RAMP1: variants seen among roughly 807,000 people sequenced by gnomAD.
RAMP1 encodes receptor activity-modifying protein 1.
Under a neutral mutation model 8.2 loss-of-function variants are expected in RAMP1, and 7 were observed. The observed-to-expected ratio is 0.85, with a 90% CI of 0.49 to 1.60. RAMP1 has a LOEUF of 1.60. Among genes scored for constraint, RAMP1 ranks in the 40% most tolerant of loss-of-function variants. RAMP1 has a pLI of 0.00. For synonymous variants in RAMP1, 92 were observed against 84.7 expected (o/e 1.09, Z -0.47); for missense variants, 192 against 202.4 (o/e 0.95, Z 0.31).
chr2:237,866,489 A>C (rs1273157595), intron 1 of RAMP1, among the ~76,000 whole-genome samples: 3 of 152,036 alleles, frequency 2.0e-5, no homozygotes, highest in African/African-American at 7.3e-5. Context: ...AGAGTGACTC[A>C]CTGCTGAGTA....
intron 1 of RAMP1, among the ~76,000 whole-genome samples, chr2:237,863,889 C>T (rs1359414584): frequency 1.3e-5 from 2 of 151,972 alleles, no homozygotes; most frequent in African/African-American, 2.4e-5. Flanking sequence ...CCCGGCTGTC[C>T]ACTGTGCCCT....
chr2:237,859,629 C>T lies in RAMP1; in HGVS notation c.-47C>T, dbSNP rs1159191907. 2 of 1,394,414 alleles carry T rather than the reference C, an allele frequency of 1.4e-6. No individual in the cohort carries two copies. Among genetic ancestry groups the T allele is most frequent in the Non-Finnish European group, 1.9e-6 (2 of 1,068,922 alleles). 86.4% of individuals were successfully genotyped at this position (1,394,414 alleles called of 1,614,324 possible). A position where few individuals can be genotyped will look rare whatever the true frequency, so the allele number is the denominator to read the frequency against. On this transcript the variant is annotated 5_prime_UTR_variant, in exon 1 of 3. Coordinates refer to ENST00000254661, the MANE Select transcript of RAMP1 (RefSeq NM_005855.4). ...CCCGCGCCGCGGCGGGCTCAGTCCT[C>T]AGCGGGGCGCGTGGCGAGCGGACTC...
chr2:237,886,707 G>A (rs927658363), intron 2 of RAMP1, among the ~76,000 whole-genome samples: 7 of 152,220 alleles, frequency 4.6e-5, no homozygotes, highest in African/African-American at 9.6e-5. Flanking sequence ...GTGACTTAGC[G>A]CGGAGCGTGG....
In RAMP1 at chr2:237,868,989, C is replaced by T. The variant is rs60503290; in HGVS notation, c.53-8235C>T. ...CAAATTTTTCGTGTTGTAAATGGCC[C>T]GTAAGCCCGTGGGAGGAGTGTGGCG... On this transcript the variant is annotated intron_variant, in intron 1 of 2. Coordinates refer to ENST00000254661, the MANE Select transcript of RAMP1 (RefSeq NM_005855.4). 2.0e-3 allele frequency among the ~76,000 whole-genome samples: 305 copies of T among 152,288 alleles called. 2 individuals carry two copies. The highest frequency in any genetic ancestry group is 7.2e-3 in the African/African-American group (299 of 41,560).
Position 237,878,023 on chromosome 2 carries a change from TC to T in RAMP1, c.191+662del. ...GGCTCCTCTGCCTCCAGAGCGGCGATCAGAACTCGGCATGTCCGCAATCGAC... is the reference window on the plus strand; with the variant it reads ...GGCTCCTCTGCCTCCAGAGCGGCGATAGAACTCGGCATGTCCGCAATCGAC... On this transcript the variant is annotated intron_variant, in intron 2 of 2. Coordinates refer to ENST00000254661, the MANE Select transcript of RAMP1 (RefSeq NM_005855.4). The surrounding 1 kb of genome is among the most constrained non-coding windows in gnomAD (Gnocchi z 5.7). 1.0e-6 allele frequency: 1 copy of T among 985,432 alleles called. No homozygotes were observed. The allele number at this position is 985,432 out of a possible 1,614,324, so 61.0% of individuals were successfully genotyped here. A position where few individuals can be genotyped will look rare whatever the true frequency, so the allele number is the denominator to read the frequency against.
At chr2:237,906,547 C>A (rs1031886440) in intron 2 of RAMP1, among the ~76,000 whole-genome samples, 4 of 151,860 alleles carry the variant, frequency 2.6e-5, no homozygotes, top group Non-Finnish European at 5.9e-5. Flanking sequence ...AGGAAAAGTA[C>A]CCTTCTATTG....
At position 237,865,273 on chromosome 2, in the gene RAMP1, G is replaced by A. The variant is rs2062175792; in HGVS notation, c.52+5546G>A. Among the ~76,000 whole-genome samples the A allele has an allele frequency of 7.0e-6, 1 of 142,060 alleles. No individual in the cohort carries two copies. Among genetic ancestry groups the A allele is most frequent in the South Asian group, 2.4e-4 (1 of 4,200 alleles). The allele number at this position is 142,060 out of a possible 152,430, so 93.2% of individuals were successfully genotyped here. On this transcript the variant is annotated intron_variant, in intron 1 of 2. Transcript: ENST00000254661. This position sits in a 1 kb window ranked among gnomAD's most constrained non-coding sequence, Gnocchi z 4.2. ...CAGGGCAGGGGAGAAGAGAGGAGAGGAGGGGAGGGGAGAGCAGGGGAGAGG... is the reference window on the plus strand; with the variant it reads ...CAGGGCAGGGGAGAAGAGAGGAGAGAAGGGGAGGGGAGAGCAGGGGAGAGG...
At chr2:237,886,019 G>A (rs1215819022) in intron 2 of RAMP1, among the ~76,000 whole-genome samples, 1 of 152,216 alleles carries the variant, frequency 6.6e-6, no homozygotes, top group Non-Finnish European at 1.5e-5. Flanking sequence ...GAGAGAAGGA[G>A]GTGGCTGTGC....
intron 2 of RAMP1, among the ~76,000 whole-genome samples, chr2:237,883,912 CTTTTTTTTTTTT>C (rs34291315): frequency 3.2e-5 from 3 of 93,008 alleles, no homozygotes; most frequent in Non-Finnish European, 5.8e-5. Context: ...TGTAGGTCCA[CTTTTTTTTTTTT>C]TTTTTTTTTT....
intron 2 of RAMP1, among the ~76,000 whole-genome samples, chr2:237,903,954 C>T (rs1318183422): frequency 2.0e-5 from 3 of 152,194 alleles, no homozygotes; most frequent in Non-Finnish European, 2.9e-5. Flanking sequence ...TCCCAGGCTG[C>T]TCTCAAACTC....
chr2:237,879,149 A>G (rs1392933090), intron 2 of RAMP1, among the ~76,000 whole-genome samples: 1 of 152,226 alleles, frequency 6.6e-6, no homozygotes, highest in African/African-American at 2.4e-5. Flanking sequence ...ATTTAAATTA[A>G]GATTGCATTT....
rs903422087 is a variant in RAMP1 at position 237,891,232 on chromosome 2, G to A, written c.191+13870G>A. Among the ~76,000 whole-genome samples the A allele has an allele frequency of 1.0e-4, 15 of 150,410 alleles. 1 individual carries two copies. Among genetic ancestry groups the A allele is most frequent in the African/African-American group, 3.4e-4 (14 of 40,790 alleles). On this transcript the variant is annotated intron_variant, in intron 2 of 2. Transcript: ENST00000254661. ...GTGGCATGGTCTCGGCTCACTGCAA[G>A]CTCCGCCTCCCGGGTTCACGCCATT... is the stretch of plus-strand genomic sequence containing the variant.
At chr2:237,879,729 C>T (rs1310105425) in intron 2 of RAMP1, among the ~76,000 whole-genome samples, 3 of 148,092 alleles carry the variant, frequency 2.0e-5, no homozygotes, top group Non-Finnish European at 4.5e-5. Flanking sequence ...GTGGCTCACA[C>T]CTGTGATCCC....
chr2:237,872,343 C>T (rs1481640053), intron 1 of RAMP1, among the ~76,000 whole-genome samples: 2 of 152,244 alleles, frequency 1.3e-5, no homozygotes, highest in Non-Finnish European at 2.9e-5. Flanking sequence ...ATCCACTCTC[C>T]CAGGGCCCCT....
In RAMP1 at chr2:237,861,724, A is replaced by G. The variant is rs563843567; in HGVS notation, c.52+1997A>G. On this transcript the variant is annotated intron_variant, in intron 1 of 2. Transcript: ENST00000254661. Reference sequence around the variant, plus strand: ...AAATTAGGCAGGCATGGTGGCAGGCACCTATAATCCCGGCTACTTGGGAGG... The same window carrying G: ...AAATTAGGCAGGCATGGTGGCAGGCGCCTATAATCCCGGCTACTTGGGAGG... Among the ~76,000 whole-genome samples, 24 of 152,044 alleles carry G rather than the reference A, an allele frequency of 1.6e-4. No homozygotes were observed. The South Asian group carries it at 5.0e-3, about 32-fold the overall frequency.
chr2:237,881,775 T>C (rs1196255990), intron 2 of RAMP1, among the ~76,000 whole-genome samples: 1 of 152,264 alleles, frequency 6.6e-6, no homozygotes, highest in African/African-American at 2.4e-5. Flanking sequence ...GTTCTTTGTA[T>C]GTTAGATGGG....
Position 237,877,488 on chromosome 2 carries a change from G to GT in RAMP1, c.191+127dup, listed in dbSNP as rs1439958639. On this transcript the variant is annotated intron_variant, in intron 2 of 2. Coordinates refer to ENST00000254661, the MANE Select transcript of RAMP1 (RefSeq NM_005855.4). The surrounding 1 kb of genome is among the most constrained non-coding windows in gnomAD (Gnocchi z 4.4). ...AGACCCCGGAAGGGTTCTTCCCCCAGTGGGGGGGGCCGGGATGAAGACAGA... is the reference window on the plus strand; with the variant it reads ...AGACCCCGGAAGGGTTCTTCCCCCAGTTGGGGGGGGCCGGGATGAAGACAGA... The GT allele has an allele frequency of 6.1e-6, 8 of 1,319,978 alleles. No homozygotes were observed. The highest frequency in any genetic ancestry group is 1.5e-5 in the African/African-American group (1 of 67,508). The allele number at this position is 1,319,978 out of a possible 1,614,324, so 81.8% of individuals were successfully genotyped here.
At chr2:237,907,735 A>T (rs934559018) in intron 2 of RAMP1, among the ~76,000 whole-genome samples, 1 of 152,206 alleles carries the variant, frequency 6.6e-6, no homozygotes, top group African/African-American at 2.4e-5. Context: ...ACCCGTTGTC[A>T]TACTAGCCAT....
chr2:237,894,498 A>G (rs2062518219), intron 2 of RAMP1, among the ~76,000 whole-genome samples: 2 of 152,188 alleles, frequency 1.3e-5, no homozygotes, highest in Admixed American at 1.3e-4. Context: ...GCCGCAGGCC[A>G]TACGTCCTCA....
Sources: allele counts gnomAD v4.1 joint callset (sites outside exome capture counted in the v4.1 genomes callset), GRCh38; gene constraint gnomAD v4.1.1; non-coding constraint Gnocchi (gnomAD v3.1); transcripts MANE v1.5; gene names NCBI Gene and HGNC (gene_info 2026-07-23, HGNC 2026-07-21).